Variants in SH3GL3 observed in about 807,000 individuals in gnomAD.
SH3GL3 encodes SH3 domain containing GRB2 like 3, endophilin A3.
Under a neutral mutation model 47.7 loss-of-function variants are expected in SH3GL3, and 33 were observed. The observed-to-expected ratio is 0.69, with a 90% CI of 0.52 to 0.92. The LOEUF (loss-of-function observed/expected upper bound fraction) is 0.92. Ranked by LOEUF, SH3GL3 falls within the 40% of genes least tolerant of loss-of-function variation. SH3GL3 has a pLI of 0.00. For synonymous variants in SH3GL3, 155 were observed against 148.8 expected, an observed-to-expected ratio of 1.04 and a Z score of -0.30; for missense variants, 363 against 417.8, an observed-to-expected ratio of 0.87 and a Z score of 1.14.
intron 1 of SH3GL3, among the ~76,000 whole-genome samples, chr15:83,550,199 G>A (rs2044592879): frequency 6.6e-6 from 1 of 152,122 alleles, no homozygotes; most frequent in African/African-American, 2.4e-5. Context: ...CTGCCAACTG[G>A]TTGAAAGGAG....
chr15:83,624,438 A>G, the SH3GL3 span, among the ~76,000 whole-genome samples: 2 of 152,216 alleles, frequency 1.3e-5, no homozygotes, highest in African/African-American at 4.8e-5. Context: ...AAGAGCAGGA[A>G]GCGGGGATGA....
chr15:83,492,259 G>C (rs1335555243), intron 1 of SH3GL3, among the ~76,000 whole-genome samples: 1 of 119,786 alleles, frequency 8.3e-6, no homozygotes, highest in Non-Finnish European at 1.6e-5. Context: ...GCAGCCTGGT[G>C]ACAGAGCAAG....
At chr15:83,584,974 C>T (rs1365415377) in intron 6 of SH3GL3, among the ~76,000 whole-genome samples, 1 of 152,182 alleles carries the variant, frequency 6.6e-6, no homozygotes, top group African/African-American at 2.4e-5. Context: ...TATTTCTAAT[C>T]GTGGTTCAGG....
chr15:83,510,926 G>T lies in SH3GL3; in HGVS notation c.46-48327G>T, dbSNP rs1001845610. Among the ~76,000 whole-genome samples, 63 of 151,824 alleles carry T rather than the reference G, an allele frequency of 4.1e-4. 2 individuals are homozygous for T. The highest frequency in any genetic ancestry group is 3.7e-3 in the Admixed American group (56 of 15,228). On this transcript the variant is annotated intron_variant, in intron 1 of 8. Coordinates refer to ENST00000427482, the MANE Select transcript of SH3GL3 (RefSeq NM_003027.5). ...GGCCACTCAGATGTTCTCACTCATA[G>T]GTGGGAATTGAACAATGAGAACACT... is the stretch of plus-strand genomic sequence containing the variant.
chr15:83,449,538 A>C (rs1022733295), intron 1 of SH3GL3, among the ~76,000 whole-genome samples: 4 of 152,338 alleles, frequency 2.6e-5, no homozygotes, highest in African/African-American at 9.6e-5. Flanking sequence ...CAAATCTCAG[A>C]GATAACGTAA....
chr15:83,566,913 T>C (rs2045577146), intron 3 of SH3GL3, among the ~76,000 whole-genome samples: 1 of 152,206 alleles, frequency 6.6e-6, no homozygotes, highest in Non-Finnish European at 1.5e-5. Context: ...ATGGAATCAC[T>C]CTACATTTTA....
At chr15:83,526,964 T>C (rs11852346) in intron 1 of SH3GL3, among the ~76,000 whole-genome samples, 2,825 of 152,292 alleles carry the variant, frequency 0.019, 97 homozygotes, top group African/African-American at 0.065. Context: ...TAGGTATTTC[T>C]TTGGTAACTA....
chr15:83,589,721 T>C (rs1362977335), intron 8 of SH3GL3, among the ~76,000 whole-genome samples: 1 of 152,240 alleles, frequency 6.6e-6, no homozygotes, highest in African/African-American at 2.4e-5. Flanking sequence ...GCATATTGTT[T>C]GGCAGTTTGC....
intron 2 of SH3GL3, among the ~76,000 whole-genome samples, chr15:83,561,380 A>G (rs12324406): frequency 8.6e-4 from 131 of 152,320 alleles, no homozygotes; most frequent in African/African-American, 3.0e-3. Flanking sequence ...ATGGAAAGTA[A>G]AATGACATTA....
At chr15:83,602,414 G>T (rs1208147368) in intron 8 of SH3GL3, among the ~76,000 whole-genome samples, 2 of 152,280 alleles carry the variant, frequency 1.3e-5, no homozygotes, top group South Asian at 4.2e-4. Context: ...CAGAACTGGT[G>T]CCTGGTAGAG....
intron 1 of SH3GL3, among the ~76,000 whole-genome samples, chr15:83,504,055 A>C (rs527416608): frequency 6.6e-6 from 1 of 152,066 alleles, no homozygotes; most frequent in Admixed American, 6.5e-5. Flanking sequence ...GTTTCTAAGA[A>C]CTCTTTATAC....
At chr15:83,568,779 CCAAA>C in intron 4 of SH3GL3, 107 bp downstream of exon 4, 2 of 743,734 alleles carry the variant, frequency 2.7e-6, no homozygotes, top group Non-Finnish European at 4.3e-6. Flanking sequence ...TTCCATATTA[CCAAA>C]GTAATACATG....
chr15:83,513,183 G>A (rs1381000095), intron 1 of SH3GL3, among the ~76,000 whole-genome samples: 2 of 152,198 alleles, frequency 1.3e-5, no homozygotes, highest in Admixed American at 1.3e-4. Flanking sequence ...GAGAGGCGTG[G>A]GATTGGAAGG....
chr15:83,587,482 T>C (rs1309621740), intron 7 of SH3GL3, among the ~76,000 whole-genome samples: 1 of 130,922 alleles, frequency 7.6e-6, no homozygotes, highest in African/African-American at 3.0e-5. Context: ...TCCAGAGCTA[T>C]GGAAAAAAGT....
intron 1 of SH3GL3, among the ~76,000 whole-genome samples, chr15:83,461,650 A>G (rs2040305316): frequency 6.6e-6 from 1 of 152,080 alleles, no homozygotes; most frequent in African/African-American, 2.4e-5. Flanking sequence ...ATAAAAATTT[A>G]TTTTTTAAAT....
At chr15:83,545,240 G>A (rs1164346668) in intron 1 of SH3GL3, among the ~76,000 whole-genome samples, 1 of 151,972 alleles carries the variant, frequency 6.6e-6, no homozygotes, top group Non-Finnish European at 1.5e-5. Context: ...TGTCTCCTCT[G>A]TGTATTTTCA....
intron 1 of SH3GL3, among the ~76,000 whole-genome samples, chr15:83,506,198 T>G (rs2042494225): frequency 6.6e-6 from 1 of 152,246 alleles, no homozygotes; most frequent in Non-Finnish European, 1.5e-5. Context: ...TTCACCTACA[T>G]GTGGTGGTTT....
chr15:83,482,954 G>A (rs189700061), intron 1 of SH3GL3, among the ~76,000 whole-genome samples: 291 of 152,196 alleles, frequency 1.9e-3, no homozygotes, highest in African/African-American at 6.7e-3. Flanking sequence ...CCTTCTTCCA[G>A]GGGGCAATGC....
At chr15:83,468,800 G>GTT (rs34233165) in intron 1 of SH3GL3, among the ~76,000 whole-genome samples, 11,395 of 128,760 alleles carry the variant, frequency 0.088, 692 homozygotes, top group East Asian at 0.25. Flanking sequence ...CTTTAGTAGT[G>GTT]TTTTTTTTTT....
Sources: gnomAD v4.1 joint callset for allele counts (sites outside exome capture counted in the v4.1 genomes callset) on GRCh38, gnomAD v4.1.1 for gene constraint, MANE v1.5 for transcripts, NCBI Gene and HGNC (gene_info 2026-07-23, HGNC 2026-07-21) for gene names.